Variants in TFRC observed in about 807,000 individuals in gnomAD.
The protein encoded by TFRC is transferrin receptor.
TFRC carries 35 observed loss-of-function variants against 85.8 expected under a neutral mutation model. That is an observed-to-expected ratio of 0.41 (90% CI 0.31 to 0.54). TFRC has a LOEUF of 0.54. Among genes scored for constraint, TFRC ranks in the 20% least tolerant of loss-of-function variants. The pLI, the probability that TFRC is intolerant of heterozygous loss-of-function variation, is 0.31. For missense variants in TFRC, 828 were observed against 921.5 expected, an observed-to-expected ratio of 0.90 and a Z score of 1.31; for synonymous variants, 362 against 328.6, an observed-to-expected ratio of 1.10 and a Z score of -1.10.
At chr3:196,074,923 T>C (rs1259254805) in intron 3 of TFRC, among the ~76,000 whole-genome samples, 1 of 146,640 alleles carries the variant, frequency 6.8e-6, no homozygotes, top group Non-Finnish European at 1.5e-5. Context: ...CGTGGGCGCC[T>C]ATAGTCCCAG....
intron 14 of TFRC, 194 bp from the exon 15 acceptor site, chr3:196,058,826 T>C: frequency 2.8e-6 from 1 of 362,472 alleles, no homozygotes; most frequent in South Asian, 5.2e-5. Context: ...TGTCAGTTCC[T>C]TTAGTTATGG....
intron 14 of TFRC, among the ~76,000 whole-genome samples, chr3:196,059,231 T>C (rs1200674137): frequency 6.6e-6 from 1 of 152,070 alleles, no homozygotes; most frequent in Non-Finnish European, 1.5e-5. Flanking sequence ...GGAGAATCGC[T>C]TGAACCCAGG....
In TFRC at chr3:196,064,336, G is replaced by C; in HGVS notation, c.1291C>G (p.Gln431Glu). 1 of 1,613,262 alleles carries C rather than the reference G, an allele frequency of 6.2e-7. No homozygotes were observed. The change falls in exon 11 of 19, where the codon CAG (glutamine) becomes GAG (glutamate). Residue 431 changes from glutamine (Q) to glutamate (E), a missense_variant. By Grantham distance (29) the Gln-to-Glu change is conservative. Transcript: ENST00000360110. The part of the protein sequence containing the change: ...VGTALLLKLA[Q>E]MFSDMVLKDG... ...TTTAAGACCATATCTGAGAACATCT[G>C]GGCAAGTTTCAATAGGAGAGCTGTG...
Position 196,049,799 on chromosome 3 carries a change from G to A in TFRC, c.*2143C>T. On this transcript the variant is annotated 3_prime_UTR_variant, in exon 19 of 19. Coordinates refer to ENST00000360110, the MANE Select transcript of TFRC (RefSeq NM_001128148.3). ...CTAAATGTCAGTCCAAGATAAAAGA[G>A]GAGATTAAAGATAAAACTGAAGATT... The A allele has an allele frequency of 1.3e-5, 3 of 230,238 alleles. No homozygotes were observed. The allele number at this position is 230,238 out of a possible 1,614,324, so 14.3% of individuals were successfully genotyped here.
At chr3:196,077,010 G>A in intron 2 of TFRC, 54 bp downstream of exon 2, 1 of 1,516,842 alleles carries the variant, frequency 6.6e-7, no homozygotes. Flanking sequence ...TTAAAGTCAT[G>A]CTTGTATATT....
intron 18 of TFRC, 85 bp from the exon 19 acceptor site, chr3:196,052,269 C>CA: frequency 8.4e-7 from 1 of 1,197,514 alleles, no homozygotes; most frequent in Non-Finnish European, 1.2e-6. Context: ...TAAAATGTCC[C>CA]AAATTTAAGA....
At chr3:196,063,694 G>A (rs903294527) in intron 11 of TFRC, among the ~76,000 whole-genome samples, 3 of 152,084 alleles carry the variant, frequency 2.0e-5, no homozygotes, top group Admixed American at 6.6e-5. Flanking sequence ...AGGCTGAGGC[G>A]GGTGAATCAC....
At chr3:196,058,814 G>T (rs1717037914) in intron 14 of TFRC, 182 bp from the exon 15 acceptor site, 2 of 391,990 alleles carry the variant, frequency 5.1e-6, no homozygotes, top group Non-Finnish European at 9.1e-6. Flanking sequence ...CTAGGCTCAT[G>T]TTGTCAGTTC....
In TFRC at chr3:196,071,923, T is replaced by C. The variant is rs1302186808; in HGVS notation, c.584+80A>G. 6 of 1,502,668 alleles carry C rather than the reference T, an allele frequency of 4.0e-6. No homozygotes were observed. In the African/African-American group the frequency reaches 8.4e-5, roughly 21 times the overall value. The allele number at this position is 1,502,668 out of a possible 1,614,324, so 93.1% of individuals were successfully genotyped here. A position where few individuals can be genotyped will look rare whatever the true frequency, so the allele number is the denominator to read the frequency against. On this transcript the variant is annotated intron_variant, in intron 5 of 18. Transcript: ENST00000360110. ...CATTTCAAAAAAAAGCCAACAACAC[T>C]AACAAAAAGTCTTTGCTATATTTAG...
chr3:196,054,814 G>A (rs1046654785), intron 17 of TFRC, among the ~76,000 whole-genome samples: 15 of 152,164 alleles, frequency 9.9e-5, no homozygotes, highest in Admixed American at 6.6e-5. Context: ...TCCTACTGAC[G>A]GGCTGCCTGG....
At position 196,071,416 on chromosome 3, in the gene TFRC, T is replaced by C. The variant is rs1259653415; in HGVS notation, c.667A>G (p.Ser223Gly). The change falls in exon 6 of 19, where the codon AGT (serine) becomes GGT (glycine). Residue 223 changes from serine to glycine, a missense_variant. By Grantham distance (56) the Ser-to-Gly change is moderately conservative. Coordinates refer to ENST00000360110, the MANE Select transcript of TFRC (RefSeq NM_001128148.3). ...CTTACAGTAACTGTTGCAGCCTTAC[T>C]ATACGCCACATAACCCCCAGGATTC... ...VENPGGYVAY[S>G]KAATVTGKLV... The C allele has an allele frequency of 6.2e-7, 1 of 1,613,986 alleles. No individual in the cohort carries two copies. The highest frequency in any genetic ancestry group is 1.3e-5 in the African/African-American group (1 of 74,930).
intron 14 of TFRC, 152 bp from the exon 15 acceptor site, chr3:196,058,784 C>T (rs1717036126): frequency 2.2e-6 from 1 of 458,836 alleles, no homozygotes; most frequent in Non-Finnish European, 3.8e-6. Context: ...AAAACAATCT[C>T]AACTTTAAGT....
rs368936863 is a variant in TFRC, at chr3:196,071,989, A to G, written c.584+14T>C. 6.9e-6 allele frequency: 11 copies of G among 1,603,838 alleles called. No homozygotes were observed. The African/African-American group carries it at 1.2e-4, about 18-fold the overall frequency. ...CTACTTGTATAAAAATAAGTTTACC[A>G]TCTTTCAACATACCTGTCTTTGACC... On this transcript the variant is annotated intron_variant, in intron 5 of 18. Coordinates refer to ENST00000360110, the MANE Select transcript of TFRC (RefSeq NM_001128148.3).
At chr3:196,062,807 A>G in intron 12 of TFRC, 47 bp downstream of exon 12, 1 of 1,597,580 alleles carries the variant, frequency 6.3e-7, no homozygotes, top group Non-Finnish European at 8.6e-7. Flanking sequence ...ACAACAGCCT[A>G]AGCCCACAAG....
Position 196,050,465 on chromosome 3 carries a change from T to C in TFRC, c.*1477A>G. ...TGAAGATGTCATTGCATGAAGAAAATTATGGGAAACACTGTTCCCGATAAT... is the reference window on the plus strand; with the variant it reads ...TGAAGATGTCATTGCATGAAGAAAACTATGGGAAACACTGTTCCCGATAAT... On this transcript the variant is annotated 3_prime_UTR_variant, in exon 19 of 19. Transcript: ENST00000360110. The C allele has an allele frequency of 4.8e-6, 1 of 206,232 alleles. No homozygotes were observed. The highest frequency in any genetic ancestry group is 9.9e-6 in the Non-Finnish European group (1 of 100,618). The allele number at this position is 206,232 out of a possible 1,614,324, so 12.8% of individuals were successfully genotyped here.
chr3:196,064,552 T>G, intron 10 of TFRC, 124 bp from the exon 11 acceptor site: 1 of 829,328 alleles, frequency 1.2e-6, no homozygotes, highest in Non-Finnish European at 1.6e-6. Flanking sequence ...GAGCCTTACT[T>G]CAAATCTGAC....
chr3:196,069,555 T>C lies in TFRC; in HGVS notation c.701A>G (p.His234Arg), dbSNP rs757329685. ...KAATVTGKLV[H>R]ANFGTKKDFE... ...ATCTTTTTTAGTACCAAAATTAGCATGGACCAGTTTACCCTAGAACAAAGA... is the reference window on the plus strand; with the variant it reads ...ATCTTTTTTAGTACCAAAATTAGCACGGACCAGTTTACCCTAGAACAAAGA... Residue 234 changes from histidine (H) to arginine (R), a missense_variant, in exon 7 of 19, where the codon CAT becomes CGT. Coordinates refer to ENST00000360110, the MANE Select transcript of TFRC (RefSeq NM_001128148.3). The C allele has an allele frequency of 1.9e-6, 3 of 1,601,480 alleles. No homozygotes were observed. Among genetic ancestry groups the C allele is most frequent in the Non-Finnish European group, 1.7e-6 (2 of 1,168,898 alleles).
At chr3:196,059,453 A>T (rs1717088590) in intron 14 of TFRC, among the ~76,000 whole-genome samples, 1 of 152,186 alleles carries the variant, frequency 6.6e-6, no homozygotes. Context: ...CCACCAACCT[A>T]ACTGGCAAAT....
At chr3:196,079,476 T>C (rs978796355) in intron 1 of TFRC, among the ~76,000 whole-genome samples, 2 of 152,048 alleles carry the variant, frequency 1.3e-5, no homozygotes, top group Non-Finnish European at 2.9e-5. Flanking sequence ...TAGCCGGGCA[T>C]GGTGGCGCAT....
Sources: allele counts gnomAD v4.1 joint callset (sites outside exome capture counted in the v4.1 genomes callset), GRCh38; gene constraint gnomAD v4.1.1; transcripts MANE v1.5; gene names NCBI Gene and HGNC (gene_info 2026-07-23, HGNC 2026-07-21).